Variants in CAMK1D observed in about 807,000 individuals in gnomAD.
The protein encoded by CAMK1D is calcium/calmodulin dependent protein kinase ID, also known as calcium/calmodulin-dependent protein kinase type 1D.
In CAMK1D, 9 loss-of-function variants were observed where a neutral mutation model predicts 47.7. That is an observed-to-expected ratio of 0.19 (90% confidence interval 0.11 to 0.33). CAMK1D has a LOEUF of 0.33. CAMK1D is among the 10% of genes least tolerant of loss of function. The pLI is 1.00. For synonymous variants in CAMK1D, 184 were observed against 184.9 expected (o/e 0.99, Z 0.04); for missense variants, 291 against 488.7 (o/e 0.60, Z 3.81).
intron 2 of CAMK1D, among the ~76,000 whole-genome samples, chr10:12,620,238 C>A (rs1160315464): frequency 7.1e-6 from 1 of 141,764 alleles, no homozygotes; most frequent in Non-Finnish European, 1.5e-5. Context: ...TATAAACGTC[C>A]ATGTACAGGT....
At chr10:12,640,105 C>T (rs1442606034) in intron 2 of CAMK1D, among the ~76,000 whole-genome samples, 1 of 152,178 alleles carries the variant, frequency 6.6e-6, no homozygotes, top group East Asian at 1.9e-4. Flanking sequence ...GCTCCTTCCT[C>T]TCGAAGAATC....
chr10:12,768,546 A>C (rs1836886332), intron 4 of CAMK1D, among the ~76,000 whole-genome samples: 1 of 152,086 alleles, frequency 6.6e-6, no homozygotes, highest in Non-Finnish European at 1.5e-5. Context: ...GTTTGGTGTA[A>C]ATGACAGAAA....
chr10:12,359,522 C>T (rs901401311), intron 1 of CAMK1D, among the ~76,000 whole-genome samples: 3 of 148,266 alleles, frequency 2.0e-5, no homozygotes, highest in African/African-American at 5.1e-5. Context: ...GGTAGCTTCT[C>T]GGTTTTTTTT....
chr10:12,612,615 G>C (rs1000218016), intron 2 of CAMK1D, among the ~76,000 whole-genome samples: 1 of 152,154 alleles, frequency 6.6e-6, no homozygotes, highest in Non-Finnish European at 1.5e-5. Flanking sequence ...GTTCCTAGTA[G>C]AGGAAGAAGA....
At chr10:12,720,224 A>G (rs1388320058) in intron 3 of CAMK1D, among the ~76,000 whole-genome samples, 2 of 152,224 alleles carry the variant, frequency 1.3e-5, no homozygotes, top group African/African-American at 2.4e-5. Context: ...CTCAGGACTC[A>G]TGACTTGAAT....
At chr10:12,395,921 C>T (rs544278646) in intron 1 of CAMK1D, among the ~76,000 whole-genome samples, 16 of 151,740 alleles carry the variant, frequency 1.1e-4, no homozygotes, top group South Asian at 2.1e-4. Flanking sequence ...AGTGAGACTC[C>T]GTCTCAAGAA....
intron 1 of CAMK1D, among the ~76,000 whole-genome samples, chr10:12,372,697 C>G (rs575342168): frequency 2.0e-5 from 3 of 152,162 alleles, no homozygotes; most frequent in African/African-American, 7.2e-5. Context: ...CTCGTGATCA[C>G]GGCTCACTGC....
At chr10:12,448,513 G>A (rs1832988445) in intron 1 of CAMK1D, among the ~76,000 whole-genome samples, 1 of 152,172 alleles carries the variant, frequency 6.6e-6, no homozygotes, top group Non-Finnish European at 1.5e-5. Context: ...GTTCTCTGGA[G>A]GAGAAACTGT....
chr10:12,691,263 G>T, intron 3 of CAMK1D, among the ~76,000 whole-genome samples: 1 of 151,344 alleles, frequency 6.6e-6, no homozygotes. Flanking sequence ...GCAGCCTCCA[G>T]TGTCGGTATC....
chr10:12,422,200 C>T (rs1184521401), intron 1 of CAMK1D, among the ~76,000 whole-genome samples: 2 of 152,082 alleles, frequency 1.3e-5, no homozygotes. Context: ...TTTTTCATTG[C>T]TATTTGGTGG....
intron 3 of CAMK1D, among the ~76,000 whole-genome samples, chr10:12,691,164 G>C (rs1280744998): frequency 6.6e-6 from 1 of 151,734 alleles, no homozygotes; most frequent in Non-Finnish European, 1.5e-5. Context: ...AAGACTGACT[G>C]TAAAGGGATG....
chr10:12,354,160 C>T (rs905395317), intron 1 of CAMK1D, among the ~76,000 whole-genome samples: 20 of 152,276 alleles, frequency 1.3e-4, no homozygotes, highest in African/African-American at 4.8e-4. Context: ...GAAAATGGAT[C>T]TTCATCTCCG....
rs567762430 is a variant in CAMK1D at position 12,430,101 on chromosome 10, TC to T, written c.92+80196del. 2.6e-5 allele frequency among the ~76,000 whole-genome samples: 4 copies of T among 152,052 alleles called. No homozygotes were observed. The South Asian group carries it at 8.3e-4, about 32-fold the overall frequency. On this transcript the variant is annotated intron_variant, in intron 1 of 10. Coordinates refer to ENST00000619168, the MANE Select transcript of CAMK1D (RefSeq NM_153498.4). ...ATACATAATGACAAAAACACTTACA[TC>T]CCCCACTGCCTTGCTGTTCTCTCTT...
chr10:12,787,391 G>T (rs967204336), intron 5 of CAMK1D, among the ~76,000 whole-genome samples: 32 of 152,188 alleles, frequency 2.1e-4, no homozygotes, highest in African/African-American at 7.7e-4. Context: ...TCTAACAGAT[G>T]ATGAAGACGG....
intron 1 of CAMK1D, among the ~76,000 whole-genome samples, chr10:12,404,837 C>T (rs144743447): frequency 0.012 from 1,804 of 151,844 alleles, 33 homozygotes; most frequent in African/African-American, 0.041. Context: ...TGCAAGCATG[C>T]GCCACCACAC....
At chr10:12,477,095 G>C (rs1399440099) in intron 1 of CAMK1D, among the ~76,000 whole-genome samples, 1 of 152,102 alleles carries the variant, frequency 6.6e-6, no homozygotes, top group Non-Finnish European at 1.5e-5. Context: ...GCATGGGATT[G>C]TCAGAAAGAA....
chr10:12,433,825 C>T (rs1489112908), intron 1 of CAMK1D, among the ~76,000 whole-genome samples: 2 of 152,230 alleles, frequency 1.3e-5, no homozygotes, highest in African/African-American at 4.8e-5. Flanking sequence ...CAAACCCTCA[C>T]TTTGTAAAGG....
chr10:12,804,529 G>A (rs938070626), intron 6 of CAMK1D, among the ~76,000 whole-genome samples: 7 of 152,162 alleles, frequency 4.6e-5, no homozygotes, highest in Admixed American at 3.3e-4. Context: ...TGGGAGAATC[G>A]CTTGAACTCA....
intron 1 of CAMK1D, among the ~76,000 whole-genome samples, chr10:12,413,019 C>A (rs1839717878): frequency 1.3e-5 from 2 of 152,142 alleles, no homozygotes; most frequent in South Asian, 4.1e-4. Flanking sequence ...TGGGTCCAGG[C>A]AGAATGGTGT....
Sources: allele counts gnomAD v4.1 joint callset (sites outside exome capture counted in the v4.1 genomes callset), GRCh38; gene constraint gnomAD v4.1.1; transcripts MANE v1.5; gene names NCBI Gene and HGNC (gene_info 2026-07-23, HGNC 2026-07-21).